The following ANKRD30BL variants were observed in gnomAD, a reference collection of about 807,000 sequenced individuals.
ANKRD30BL encodes the protein putative ankyrin repeat domain-containing protein 30B-like.
A neutral mutation model predicts 18.4 loss-of-function variants in ANKRD30BL; 20 were observed. The observed-to-expected ratio is 1.09, with a 90% CI of 0.77 to 1.58. The LOEUF (loss-of-function observed/expected upper bound fraction) is 1.58. Among genes scored for constraint, ANKRD30BL ranks in the 40% most tolerant of loss-of-function variants. ANKRD30BL has a pLI of 0.00. For synonymous variants in ANKRD30BL, 72 were observed against 100.9 expected, an observed-to-expected ratio of 0.71 and a Z score of 1.72; for missense variants, 224 against 268.6, an observed-to-expected ratio of 0.83 and a Z score of 1.16.
chr2:132,212,404 C>CT (rs1385914154), intron 1 of ANKRD30BL, among the ~76,000 whole-genome samples: 2 of 151,934 alleles, frequency 1.3e-5, no homozygotes, highest in African/African-American at 4.8e-5. Context: ...TTGACACACT[C>CT]TTTTTGTAGA....
At chr2:132,223,944 C>T (rs1475885102) in intron 1 of ANKRD30BL, among the ~76,000 whole-genome samples, 2 of 151,686 alleles carry the variant, frequency 1.3e-5, no homozygotes, top group South Asian at 2.1e-4. Context: ...TTGAGGCCTT[C>T]GTTGGAAACG....
chr2:132,163,346 G>T (rs1046609092), upstream of ANKRD30BL, among the ~76,000 whole-genome samples: 1 of 152,014 alleles, frequency 6.6e-6, no homozygotes, highest in Non-Finnish European at 1.5e-5. Context: ...AGCTACTTGG[G>T]AGATTGATTG....
chr2:132,207,074 T>A (rs1345871099), intron 1 of ANKRD30BL, among the ~76,000 whole-genome samples: 1 of 152,126 alleles, frequency 6.6e-6, no homozygotes, highest in Non-Finnish European at 1.5e-5. Flanking sequence ...ATACAGCATC[T>A]GCAAATAATT....
rs546971785 is a variant in ANKRD30BL at position 132,236,825 on chromosome 2, C to T, written n.441+20704G>A. Among the ~76,000 whole-genome samples the T allele has an allele frequency of 2.9e-3, 443 of 151,804 alleles. 1 individual carries two copies. The highest frequency in any genetic ancestry group is 5.7e-3 in the Non-Finnish European group (389 of 67,916). On this transcript the variant is annotated intron_variant and non_coding_transcript_variant, in intron 1 of 4. Transcript: ENST00000470729. ...ATGCTGCTATAAAGACACATGCACA[C>T]GTATGTTTATTGTGGCACTATTCAC...
chr2:132,186,439 T>C (rs1688561508), intron 1 of ANKRD30BL, among the ~76,000 whole-genome samples: 1 of 152,238 alleles, frequency 6.6e-6, no homozygotes, highest in East Asian at 1.9e-4. Context: ...TTGTTTAATT[T>C]CTGCATGAAT....
intron 1 of ANKRD30BL, among the ~76,000 whole-genome samples, chr2:132,214,421 G>A (rs975721843): frequency 6.6e-6 from 1 of 151,982 alleles, no homozygotes; most frequent in Non-Finnish European, 1.5e-5. Context: ...TGATTCAGAA[G>A]TTTGGAAACA....
intron 1 of ANKRD30BL, among the ~76,000 whole-genome samples, chr2:132,220,675 G>A (rs930986911): frequency 3.3e-5 from 5 of 152,122 alleles, no homozygotes; most frequent in Non-Finnish European, 5.9e-5. Flanking sequence ...GCTCAATGGG[G>A]CCAAGGCTGG....
intron 1 of ANKRD30BL, among the ~76,000 whole-genome samples, chr2:132,201,700 T>G (rs1157870998): frequency 1.3e-5 from 2 of 152,224 alleles, no homozygotes; most frequent in Admixed American, 6.5e-5. Flanking sequence ...GGTGGGACTG[T>G]AAACTAGTTC....
At chr2:132,216,219 C>T (rs1416959711) in intron 1 of ANKRD30BL, among the ~76,000 whole-genome samples, 1 of 150,636 alleles carries the variant, frequency 6.6e-6, no homozygotes, top group Non-Finnish European at 1.5e-5. Context: ...TTCTGACAAA[C>T]TTCTTTGTGA....
intron 1 of ANKRD30BL, among the ~76,000 whole-genome samples, chr2:132,225,302 A>G (rs573793011): frequency 1.4e-4 from 21 of 151,964 alleles, no homozygotes; most frequent in African/African-American, 5.1e-4. Flanking sequence ...TTTGAGGCCT[A>G]TGGTGGAAAA....
chr2:132,238,509 C>T (rs1453667471), intron 1 of ANKRD30BL, among the ~76,000 whole-genome samples: 1 of 151,998 alleles, frequency 6.6e-6, no homozygotes, highest in Non-Finnish European at 1.5e-5. Flanking sequence ...GTTCAACTGA[C>T]AGACTTGAAC....
intron 1 of ANKRD30BL, among the ~76,000 whole-genome samples, chr2:132,196,071 G>A (rs1195294216): frequency 6.6e-6 from 1 of 151,282 alleles, no homozygotes; most frequent in Non-Finnish European, 1.5e-5. Context: ...GAACCTGGGA[G>A]GCAGAGCTGG....
Position 132,234,978 on chromosome 2 carries a change from C to T in ANKRD30BL, n.441+22551G>A, listed in dbSNP as rs1200303213. Among the ~76,000 whole-genome samples, 9 of 152,258 alleles carry T rather than the reference C, an allele frequency of 5.9e-5. No homozygotes were observed. The East Asian group carries it at 1.5e-3, about 26-fold the overall frequency. On this transcript the variant is annotated intron_variant and non_coding_transcript_variant, in intron 1 of 4. Coordinates refer to the ANKRD30BL transcript ENST00000470729. ...ACGAATCCAGCAGAACATCAAAAAG[C>T]TTATCCACCATGATCAAGTGGGCTT...
chr2:132,160,390 G>A (rs77897104), intron 1 of ANKRD30BL, among the ~76,000 whole-genome samples: 1 of 137,366 alleles, frequency 7.3e-6, no homozygotes, highest in Non-Finnish European at 1.5e-5. Context: ...CATGAGCCAC[G>A]ACGCCTGGCC....
intron 1 of ANKRD30BL, among the ~76,000 whole-genome samples, chr2:132,252,694 G>A (rs952315051): frequency 3.4e-4 from 51 of 151,786 alleles, no homozygotes; most frequent in African/African-American, 7.3e-4. Flanking sequence ...CCCTCTCCCC[G>A]GTGGACCCTT....
At chr2:132,216,600 A>C (rs1194623367) in intron 1 of ANKRD30BL, among the ~76,000 whole-genome samples, 1 of 151,748 alleles carries the variant, frequency 6.6e-6, no homozygotes, top group Non-Finnish European at 1.5e-5. Flanking sequence ...AGAGTTGAAC[A>C]TTTCTTTTGA....
At chr2:132,221,746 C>T (rs1679693025) in intron 1 of ANKRD30BL, among the ~76,000 whole-genome samples, 3 of 105,122 alleles carry the variant, frequency 2.9e-5, no homozygotes, top group South Asian at 3.1e-4. Flanking sequence ...TGAGGGGCGC[C>T]TCTGCCCGGC....
rs1380453120 is a variant in ANKRD30BL at position 132,203,930 on chromosome 2, GA to G, written n.442-46785del. Among the ~76,000 whole-genome samples, 1,474 of 151,864 alleles carry G rather than the reference GA, an allele frequency of 9.7e-3. 16 individuals are homozygous for G. The highest frequency in any genetic ancestry group is 0.034 in the African/African-American group (1,396 of 41,384). On this transcript the variant is annotated intron_variant and non_coding_transcript_variant, in intron 1 of 4. Transcript: ENST00000470729. ...GTAATCTTGTACTTTCAACATTGAA[GA>G]TTTTTTTCACATATTGATACCAATC...
chr2:132,225,936 G>A (rs928012738), intron 1 of ANKRD30BL, among the ~76,000 whole-genome samples: 13 of 152,002 alleles, frequency 8.6e-5, no homozygotes, highest in Admixed American at 2.0e-4. Context: ...GAGAAGGTTT[G>A]AAACACTCTT....
Sources: gnomAD v4.1 joint callset for allele counts (sites outside exome capture counted in the v4.1 genomes callset) on GRCh38, gnomAD v4.1.1 for gene constraint, MANE v1.5 for transcripts, NCBI Gene and HGNC (gene_info 2026-07-23, HGNC 2026-07-21) for gene names.